The following GRIA1 variants were observed in gnomAD, a reference collection of about 807,000 sequenced individuals.
The protein encoded by GRIA1 is glutamate receptor 1.
In GRIA1, 31 loss-of-function variants were observed where a neutral mutation model predicts 99.2. That is an observed-to-expected ratio of 0.31 (90% CI 0.23 to 0.42). The LOEUF is 0.42. GRIA1 is among the 10% of genes least tolerant of loss of function. GRIA1 has a pLI of 1.00. For missense variants in GRIA1, 782 were observed against 1,157.5 expected (o/e 0.68, Z 4.71); for synonymous variants, 438 against 432.4 (o/e 1.01, Z -0.16).
chr5:153,609,899 G>A (rs577589682), intron 2 of GRIA1, among the ~76,000 whole-genome samples: 3 of 152,098 alleles, frequency 2.0e-5, no homozygotes, highest in Admixed American at 2.0e-4. Context: ...GGTACAATTT[G>A]ATCATCCTAG....
chr5:153,760,892 T>A (rs375097058), intron 11 of GRIA1, among the ~76,000 whole-genome samples: 84 of 152,222 alleles, frequency 5.5e-4, no homozygotes, highest in South Asian at 2.9e-3. Flanking sequence ...TACAGCCAAC[T>A]GATTTTCAAC....
chr5:153,713,966 G>C (rs1477977869), intron 11 of GRIA1, among the ~76,000 whole-genome samples: 1 of 152,164 alleles, frequency 6.6e-6, no homozygotes, highest in Non-Finnish European at 1.5e-5. Context: ...TTGCATTCCA[G>C]AGAGAAGAGG....
chr5:153,518,011 C>T (rs962590441), intron 2 of GRIA1, among the ~76,000 whole-genome samples: 1 of 152,196 alleles, frequency 6.6e-6, no homozygotes, highest in Non-Finnish European at 1.5e-5. Context: ...CTTAAACAGG[C>T]CAAGCTGCCA....
intron 2 of GRIA1, 195 bp downstream of exon 2, chr5:153,494,260 T>A: frequency 1.7e-6 from 1 of 576,530 alleles, no homozygotes; most frequent in Non-Finnish European, 3.1e-6. Flanking sequence ...CAATGCTTCA[T>A]GTAATGGATT....
intron 5 of GRIA1, among the ~76,000 whole-genome samples, chr5:153,665,241 A>C (rs1755660833): frequency 6.6e-6 from 1 of 152,232 alleles, no homozygotes; most frequent in African/African-American, 2.4e-5. Flanking sequence ...AAGAGAAATT[A>C]GTTTGTGAGA....
chr5:153,785,772 C>G (rs1212185417), intron 13 of GRIA1, among the ~76,000 whole-genome samples: 1 of 152,210 alleles, frequency 6.6e-6, no homozygotes, highest in African/African-American at 2.4e-5. Flanking sequence ...TTATTCCTGA[C>G]AAACAGTTGT....
At position 153,794,717 on chromosome 5, in the gene GRIA1, C is replaced by T. The variant is rs768117586; in HGVS notation, c.2367C>T (p.Ser789=). ...KWWYDKGECG[S]GGGDSKDKTS... is the part of the protein sequence containing the mutation. Reference sequence around the variant, plus strand: ...GGTACGACAAGGGCGAGTGCGGCAGCGGGGGAGGTGATTCCAAGGTCAGCC... The same window carrying T: ...GGTACGACAAGGGCGAGTGCGGCAGTGGGGGAGGTGATTCCAAGGTCAGCC... Residue 789 remains serine, a synonymous_variant, in exon 14 of 16, where the codon AGC becomes AGT. Transcript: ENST00000285900. The T allele has an allele frequency of 7.5e-6, 12 of 1,609,936 alleles. No individual in the cohort carries two copies. Among genetic ancestry groups the T allele is most frequent in the African/African-American group, 4.0e-5 (3 of 74,528 alleles).
chr5:153,783,227 G>A (rs1764751726), intron 13 of GRIA1, among the ~76,000 whole-genome samples: 1 of 152,172 alleles, frequency 6.6e-6, no homozygotes, highest in Non-Finnish European at 1.5e-5. Context: ...TTGAACCAGG[G>A]GTGGCTGAGA....
chr5:153,777,752 C>G (rs1000226354), intron 13 of GRIA1, among the ~76,000 whole-genome samples: 80 of 152,280 alleles, frequency 5.3e-4, no homozygotes, highest in African/African-American at 1.8e-3. Context: ...GGTCCTCCCC[C>G]ACAGAGAACA....
chr5:153,552,135 T>C (rs1029408167), intron 2 of GRIA1, among the ~76,000 whole-genome samples: 7 of 152,028 alleles, frequency 4.6e-5, no homozygotes, highest in Middle Eastern at 3.2e-3. Flanking sequence ...AGTGATTTTA[T>C]GTGTAGCATA....
chr5:153,701,009 A>G (rs907343596), intron 10 of GRIA1, among the ~76,000 whole-genome samples: 1 of 152,196 alleles, frequency 6.6e-6, no homozygotes, highest in Non-Finnish European at 1.5e-5. Flanking sequence ...TGGATAGTAC[A>G]TGCTGCAGCT....
intron 5 of GRIA1, among the ~76,000 whole-genome samples, chr5:153,668,935 CAT>C (rs1436284185): frequency 2.0e-5 from 3 of 152,210 alleles, no homozygotes; most frequent in Admixed American, 6.5e-5. Flanking sequence ...AAGCTAAAGT[CAT>C]ATGTTTCTCC....
At chr5:153,593,065 A>G (rs561775581) in intron 2 of GRIA1, among the ~76,000 whole-genome samples, 79 of 152,292 alleles carry the variant, frequency 5.2e-4, no homozygotes, top group African/African-American at 1.9e-3. Flanking sequence ...CAGGAGTTGG[A>G]GACCAACCTG....
At chr5:153,550,714 T>C (rs951481162) in intron 2 of GRIA1, among the ~76,000 whole-genome samples, 1 of 152,176 alleles carries the variant, frequency 6.6e-6, no homozygotes, top group Non-Finnish European at 1.5e-5. Flanking sequence ...AATGAGGATG[T>C]AAATCCTAAC....
chr5:153,616,760 C>CAGGGAAAAGGGACTTTGGAAA (rs1197249310), intron 2 of GRIA1, among the ~76,000 whole-genome samples: 148 of 152,090 alleles, frequency 9.7e-4, no homozygotes, highest in Non-Finnish European at 1.8e-3. Context: ...TCTTGGGCAT[C>CAGGGAAAAGGGACTTTGGAAA]AGGGAAAAGG....
chr5:153,732,940 C>T (rs4644006), intron 11 of GRIA1, among the ~76,000 whole-genome samples: 78,120 of 134,334 alleles, frequency 0.58, 21,976 homozygotes, highest in East Asian at 0.93. Context: ...TTTTTTTTTT[C>T]TTTGCATGTG....
At position 153,601,084 on chromosome 5, in the gene GRIA1, C is replaced by T. The variant is rs570929730; in HGVS notation, c.221-45844C>T. 3.9e-5 allele frequency among the ~76,000 whole-genome samples: 6 copies of T among 152,302 alleles called. No individual in the cohort carries two copies. The South Asian group carries it at 8.3e-4, about 21-fold the overall frequency. ...ACATTGTCAAGAAAATTCATTCATT[C>T]GCTGGATGAACAGAATGATGATAAA... On this transcript the variant is annotated intron_variant, in intron 2 of 15. Transcript: ENST00000285900.
chr5:153,509,596 A>G (rs1351678534), intron 2 of GRIA1, among the ~76,000 whole-genome samples: 1 of 152,236 alleles, frequency 6.6e-6, no homozygotes, highest in Non-Finnish European at 1.5e-5. Flanking sequence ...AATAGGCTCA[A>G]TAAATATTTC....
At chr5:153,519,237 G>A (rs1756912037) in intron 2 of GRIA1, among the ~76,000 whole-genome samples, 1 of 151,972 alleles carries the variant, frequency 6.6e-6, no homozygotes, top group African/African-American at 2.4e-5. Flanking sequence ...ACTCCAGCCT[G>A]GACGACAGAG....
Sources: gnomAD v4.1 joint callset for allele counts (sites outside exome capture counted in the v4.1 genomes callset) on GRCh38, gnomAD v4.1.1 for gene constraint, MANE v1.5 for transcripts, NCBI Gene and HGNC (gene_info 2026-07-23, HGNC 2026-07-21) for gene names.